Variants in C1QTNF3 observed in about 807,000 individuals in gnomAD.
The protein encoded by C1QTNF3 is complement C1q tumor necrosis factor-related protein 3.
Under a neutral mutation model 32.6 loss-of-function variants are expected in C1QTNF3, and 26 were observed. The ratio of observed to expected loss-of-function variants is 0.80; its 90% CI spans 0.58 to 1.11. The LOEUF (loss-of-function observed/expected upper bound fraction) is 1.11, where lower values mean the gene tolerates loss of function less well. C1QTNF3 is among the 50% of genes least tolerant of loss of function. The probability of loss-of-function intolerance (pLI) is 0.00; values close to 1 mark genes in which losing one functional copy is unlikely to be tolerated. For synonymous variants in C1QTNF3, 155 were observed against 146.0 expected (o/e 1.06, Z -0.44); for missense variants, 362 against 398.2 (o/e 0.91, Z 0.77).
the C1QTNF3 span, among the ~76,000 whole-genome samples, chr5:34,240,426 GACAAAA>G: frequency 6.7e-6 from 1 of 150,370 alleles, no homozygotes; most frequent in African/African-American, 2.4e-5. Flanking sequence ...AAATCAGAAT[GACAAAA>G]ACGACATTAA....
chr5:34,204,330 T>TA, the C1QTNF3 span, among the ~76,000 whole-genome samples: 3 of 152,242 alleles, frequency 2.0e-5, no homozygotes, highest in Admixed American at 6.5e-5. Flanking sequence ...ATCACAGCAC[T>TA]ATTCACAATA....
At chr5:34,205,694 T>C in the C1QTNF3 span, among the ~76,000 whole-genome samples, 1 of 150,924 alleles carries the variant, frequency 6.6e-6, no homozygotes, top group Non-Finnish European at 1.5e-5. Context: ...TAGTTCTTTA[T>C]AACAATGGGA....
At chr5:34,102,514 G>A in the C1QTNF3 span, among the ~76,000 whole-genome samples, 1 of 151,466 alleles carries the variant, frequency 6.6e-6, no homozygotes, top group Admixed American at 6.6e-5. Context: ...TCAACTTGTG[G>A]CTATTTAAAC....
the C1QTNF3 span, among the ~76,000 whole-genome samples, chr5:34,136,033 T>C: frequency 0.55 from 80,079 of 144,696 alleles, 22,486 homozygotes; most frequent in Middle Eastern, 0.64. Flanking sequence ...CCATAAAAAC[T>C]CTAGAAGAAA....
chr5:34,118,200 C>G, the C1QTNF3 span, among the ~76,000 whole-genome samples: 1 of 152,084 alleles, frequency 6.6e-6, no homozygotes, highest in South Asian at 2.1e-4. Flanking sequence ...TTGCCTCATC[C>G]GCTCGAGTAG....
intron 1 of C1QTNF3, 88 bp downstream of exon 1, chr5:34,042,735 T>G: frequency 7.5e-7 from 1 of 1,327,536 alleles, no homozygotes; most frequent in Non-Finnish European, 1.0e-6. Context: ...ATTCTAAGAA[T>G]CTTAGCCAAA....
the C1QTNF3 span, among the ~76,000 whole-genome samples, chr5:34,089,489 G>T: frequency 1.3e-5 from 2 of 152,114 alleles, no homozygotes; most frequent in African/African-American, 4.8e-5. Flanking sequence ...CTTGCATCAT[G>T]GGTTGTGAAG....
the C1QTNF3 span, among the ~76,000 whole-genome samples, chr5:34,063,459 G>A: frequency 2.0e-5 from 3 of 151,156 alleles, no homozygotes; most frequent in Non-Finnish European, 4.4e-5. Context: ...AGTTGTTAAA[G>A]TACTGGGTCA....
the C1QTNF3 span, among the ~76,000 whole-genome samples, chr5:34,170,530 C>T: frequency 2.0e-5 from 3 of 152,056 alleles, no homozygotes; most frequent in Non-Finnish European, 2.9e-5. Flanking sequence ...GTGACAGTAT[C>T]GGGGGTGTTT....
At chr5:34,038,325 C>T (rs879525610) in intron 1 of C1QTNF3, among the ~76,000 whole-genome samples, 2 of 152,130 alleles carry the variant, frequency 1.3e-5, no homozygotes, top group Non-Finnish European at 2.9e-5. Flanking sequence ...CTTGCTTGAT[C>T]TTGATTTTCA....
chr5:34,175,808 A>C, the C1QTNF3 span: 2 of 758,816 alleles, frequency 2.6e-6, no homozygotes, highest in South Asian at 2.8e-5. Context: ...CCCATGCGCT[A>C]AACTGCCACT....
At chr5:34,226,564 C>T in the C1QTNF3 span, among the ~76,000 whole-genome samples, 1,119 of 151,194 alleles carry the variant, frequency 7.4e-3, 7 homozygotes, top group Middle Eastern at 0.017. Context: ...TGTTCTTAAT[C>T]TCAGGGAAAT....
chr5:34,196,201 C>T, the C1QTNF3 span, among the ~76,000 whole-genome samples: 2,996 of 138,280 alleles, frequency 0.022, 2 homozygotes, highest in African/African-American at 0.076. Context: ...GGCTGGAGTA[C>T]AGTGGTGCGA....
the C1QTNF3 span, among the ~76,000 whole-genome samples, chr5:34,236,081 T>C: frequency 6.6e-6 from 1 of 152,236 alleles, no homozygotes; most frequent in African/African-American, 2.4e-5. Context: ...AGAGTGCATG[T>C]TGGGATTTTG....
intron 1 of C1QTNF3, among the ~76,000 whole-genome samples, chr5:34,039,040 C>T (rs187642594): frequency 7.9e-5 from 12 of 152,310 alleles, no homozygotes; most frequent in Admixed American, 6.5e-5. Context: ...TGGGCTCAAG[C>T]ATGTGCATTA....
chr5:34,120,474 A>G, the C1QTNF3 span, among the ~76,000 whole-genome samples: 2 of 152,204 alleles, frequency 1.3e-5, no homozygotes, highest in East Asian at 1.9e-4. Flanking sequence ...AAAGAACAAT[A>G]TGCCATATTT....
the C1QTNF3 span, among the ~76,000 whole-genome samples, chr5:34,102,359 C>T: frequency 1.3e-5 from 2 of 151,804 alleles, no homozygotes; most frequent in African/African-American, 4.8e-5. Flanking sequence ...ATTTTATTTT[C>T]ACTTAGCAAA....
chr5:34,171,858 C>A, the C1QTNF3 span, among the ~76,000 whole-genome samples: 6 of 152,002 alleles, frequency 3.9e-5, no homozygotes, highest in African/African-American at 1.4e-4. Flanking sequence ...GTAATAGAAC[C>A]CAGAAGTATA....
At chr5:34,031,472 G>A (rs1754611688) in intron 3 of C1QTNF3, among the ~76,000 whole-genome samples, 2 of 152,178 alleles carry the variant, frequency 1.3e-5, no homozygotes, top group African/African-American at 4.8e-5. Context: ...ACCTGGCTGA[G>A]TGGCATCTCT....
Sources: gnomAD v4.1 joint callset for allele counts (sites outside exome capture counted in the v4.1 genomes callset) on GRCh38, gnomAD v4.1.1 for gene constraint, MANE v1.5 for transcripts, NCBI Gene and HGNC (gene_info 2026-07-23, HGNC 2026-07-21) for gene names.